The following KMT2C variants were observed in gnomAD, a reference collection of about 807,000 sequenced individuals.
The protein encoded by KMT2C is histone-lysine N-methyltransferase 2C.
In KMT2C, 88 loss-of-function variants were observed where a neutral mutation model predicts 507.9. The observed-to-expected ratio is 0.17, with a 90% CI of 0.15 to 0.21. KMT2C has a LOEUF of 0.21. Ranked by LOEUF, KMT2C falls within the 10% of genes least tolerant of loss-of-function variation. The pLI is 1.00. For synonymous variants in KMT2C, 2,049 were observed against 2,080.8 expected, an observed-to-expected ratio of 0.98 and a Z score of 0.42; for missense variants, 4,954 against 5,957.8, an observed-to-expected ratio of 0.83 and a Z score of 5.55.
intron 37 of KMT2C, among the ~76,000 whole-genome samples, chr7:152,179,146 C>G (rs1466464447): frequency 6.6e-6 from 1 of 152,192 alleles, no homozygotes; most frequent in East Asian, 1.9e-4. Flanking sequence ...GCAGTGCCTG[C>G]CGCCATAGCC....
intron 49 of KMT2C, among the ~76,000 whole-genome samples, 186 bp downstream of exon 49, chr7:152,152,519 G>C (rs942350626): frequency 3.3e-5 from 5 of 152,176 alleles, no homozygotes; most frequent in African/African-American, 1.2e-4. Flanking sequence ...AGAATACACA[G>C]GCCAAAGCAC....
chr7:152,187,463 C>T lies in KMT2C; in HGVS notation c.4807G>A (p.Ala1603Thr), dbSNP rs2129124792. The change falls in exon 33 of 59, where the codon GCC becomes ACC. Residue 1603 changes from alanine to threonine, a missense_variant. Around this residue, in one of 29 missense-constraint regions of KMT2C, gnomAD observed 195 missense variants for 183.7 expected, o/e 1.06. Coordinates refer to ENST00000262189, the MANE Select transcript of KMT2C (RefSeq NM_170606.3). ...GGATCACTTGCCATTGGATTAAAGG[C>T]TGAATTTTTATCCCTGGGAAAAAAT... ...SYPDARDKNSAFNPMASDPNN... is the reference protein window; with the variant it reads ...SYPDARDKNSTFNPMASDPNN... The T allele has an allele frequency of 6.2e-7, 1 of 1,612,984 alleles. No individual in the cohort carries two copies. The highest frequency in any genetic ancestry group is 1.7e-5 in the Admixed American group (1 of 59,986).
At chr7:152,163,899 T>C in intron 42 of KMT2C, 73 bp from the exon 43 acceptor site, 1 of 1,454,806 alleles carries the variant, frequency 6.9e-7, no homozygotes, top group Non-Finnish European at 9.6e-7. Context: ...GGCTGATGAC[T>C]GTGGTTGAGG....
chr7:152,152,859 C>G lies in KMT2C; in HGVS notation c.12372G>C (p.Met4124Ile), dbSNP rs1241408105. 1.1e-5 allele frequency: 18 copies of G among 1,614,146 alleles called. No individual in the cohort carries two copies. The highest frequency in any genetic ancestry group is 1.5e-5 in the Non-Finnish European group (18 of 1,180,024). The change falls in exon 49 of 59, where the codon ATG (methionine) becomes ATC (isoleucine). Residue 4124 changes from methionine to isoleucine, a missense_variant. Met to Ile is a conservative substitution (Grantham distance 10). This residue lies in a region of KMT2C where 417 missense variants were observed against 461.1 expected (regional missense o/e 0.90). Coordinates refer to ENST00000262189, the MANE Select transcript of KMT2C (RefSeq NM_170606.3). The part of the protein sequence containing the change: ...EVSSAPDVPS[M>I]GLVSSHRINP... ...TGATTCTGTGGCTACTGACCAAACC[C>G]ATGGATGGGACATCTGGAGCACTGC...
intron 1 of KMT2C, among the ~76,000 whole-genome samples, chr7:152,413,802 T>C (rs2097705419): frequency 1.3e-5 from 2 of 149,004 alleles, no homozygotes; most frequent in South Asian, 4.2e-4. Flanking sequence ...GGAAAATCGC[T>C]TGAACCCAGG....
chr7:152,322,589 T>C (rs1469701754), intron 3 of KMT2C, among the ~76,000 whole-genome samples: 3 of 152,020 alleles, frequency 2.0e-5, no homozygotes, highest in Non-Finnish European at 4.4e-5. Flanking sequence ...ATGTTTCGGA[T>C]GTCAAACTAT....
chr7:152,304,946 C>G (rs965736212), intron 6 of KMT2C, among the ~76,000 whole-genome samples: 11 of 152,118 alleles, frequency 7.2e-5, no homozygotes, highest in African/African-American at 2.7e-4. Flanking sequence ...TTCCTTGGCT[C>G]CTCCTTCCCA....
rs1587992226 is a variant in KMT2C at position 152,180,927 on chromosome 7, G to A, written c.6933C>T (p.Asp2311=). 2 of 1,614,192 alleles carry A rather than the reference G, an allele frequency of 1.2e-6. No individual in the cohort carries two copies. Among genetic ancestry groups the A allele is most frequent in the African/African-American group, 1.3e-5 (1 of 75,036 alleles). The change falls in exon 36 of 59, where the codon GAC becomes GAT. Residue 2311 remains aspartate, a synonymous_variant. Coordinates refer to ENST00000262189, the MANE Select transcript of KMT2C (RefSeq NM_170606.3). ...QSPMTPRSQS[D]SFGTSQTAHD... ...GGGCAGTTTGACTTGTTCCAAAAGA[G>A]TCAGACTGAGATCTTGGAGTCATTG... is the stretch of plus-strand genomic sequence containing the variant.
At chr7:152,362,733 G>A (rs937351441) in intron 1 of KMT2C, among the ~76,000 whole-genome samples, 3 of 151,990 alleles carry the variant, frequency 2.0e-5, no homozygotes, top group Admixed American at 6.6e-5. Context: ...GGCACAACTG[G>A]CTTTATTTCA....
At chr7:152,197,791 T>C (rs1166439320) in intron 27 of KMT2C, among the ~76,000 whole-genome samples, 1 of 152,142 alleles carries the variant, frequency 6.6e-6, no homozygotes, top group East Asian at 1.9e-4. Flanking sequence ...TAATTTTCCA[T>C]TATAAAGTGA....
In KMT2C at chr7:152,177,474, G is replaced by A. The variant is rs2129114874; in HGVS notation, c.7979C>T (p.Ala2660Val). 6.2e-7 allele frequency: 1 copy of A among 1,614,154 alleles called. No homozygotes were observed. Reference sequence around the variant, plus strand: ...AGACGGTACAGATGTTGACAAAGGAGCTTCTGAAAATTCACCACCTAGTGG... The same window carrying A: ...AGACGGTACAGATGTTGACAAAGGAACTTCTGAAAATTCACCACCTAGTGG... ...NHPLGGEFSE[A>V]PLSTSVPSET... Residue 2660 changes from alanine (A) to valine (V), a missense_variant, in exon 38 of 59, where the codon GCT becomes GTT. Ala to Val is a moderately conservative substitution (Grantham distance 64). Transcript: ENST00000262189.
intron 7 of KMT2C, among the ~76,000 whole-genome samples, chr7:152,269,611 A>G (rs2095921613): frequency 6.6e-6 from 1 of 152,248 alleles, no homozygotes; most frequent in African/African-American, 2.4e-5. Flanking sequence ...ATAATTTAAA[A>G]GGGCAGAGGA....
intron 6 of KMT2C, among the ~76,000 whole-genome samples, chr7:152,307,627 G>A (rs184705114): frequency 6.6e-6 from 1 of 152,268 alleles, no homozygotes; most frequent in African/African-American, 2.4e-5. Context: ...GGGATGCAAT[G>A]TCTCCTAAGG....
At chr7:152,244,370 A>G (rs988688011) in intron 14 of KMT2C, among the ~76,000 whole-genome samples, 10 of 152,090 alleles carry the variant, frequency 6.6e-5, no homozygotes, top group Non-Finnish European at 1.3e-4. Context: ...CGCAAAGTAC[A>G]TACACCTATA....
At chr7:152,325,791 A>G (rs2096822960) in intron 3 of KMT2C, among the ~76,000 whole-genome samples, 1 of 152,160 alleles carries the variant, frequency 6.6e-6, no homozygotes, top group South Asian at 2.1e-4. Flanking sequence ...GTTTTTTAAA[A>G]GTCTTTCCTT....
chr7:152,144,891 A>G lies in KMT2C; in HGVS notation c.14175-10T>C, dbSNP rs1587651073. On this transcript the variant is annotated splice_polypyrimidine_tract_variant and intron_variant, in intron 54 of 58. Coordinates refer to ENST00000262189, the MANE Select transcript of KMT2C (RefSeq NM_170606.3). This position sits in a 1 kb window ranked among gnomAD's most constrained non-coding sequence, Gnocchi z 4.4. ...GTTTAAGGTGTGAGGCCTGCAGACA[A>G]TGGCATATCAACAGGAAAAAAATAC... The G allele has an allele frequency of 3.1e-6, 5 of 1,601,092 alleles. No homozygotes were observed. The East Asian group carries it at 9.0e-5, about 29-fold the overall frequency.
intron 6 of KMT2C, among the ~76,000 whole-genome samples, chr7:152,280,909 G>A (rs937680991): frequency 6.6e-6 from 1 of 151,922 alleles, no homozygotes; most frequent in African/African-American, 2.4e-5. Context: ...AAGTAAAAAT[G>A]TAAATATTTT....
intron 1 of KMT2C, among the ~76,000 whole-genome samples, chr7:152,396,517 A>G (rs2116582123): frequency 6.6e-6 from 1 of 152,312 alleles, no homozygotes; most frequent in East Asian, 1.9e-4. Flanking sequence ...AAGGCTCCAT[A>G]AATACCACTA....
At position 152,182,514 on chromosome 7, in the gene KMT2C, C is replaced by T. The variant is rs1255434547; in HGVS notation, c.5346G>A (p.Gln1782=). 2 of 1,613,624 alleles carry T rather than the reference C, an allele frequency of 1.2e-6. No individual in the cohort carries two copies. The highest frequency in any genetic ancestry group is 1.7e-5 in the Admixed American group (1 of 59,944). Reference sequence around the variant, plus strand: ...GAGAACCAAATTGCTGTTGTTGCTGCTGCTGCTGCTCATTTTTCACCTGTT... The same window carrying T: ...GAGAACCAAATTGCTGTTGTTGCTGTTGCTGCTGCTCATTTTTCACCTGTT... ...KLEQVKNEQQ[Q]QQQQQFGSQH... The change falls in exon 36 of 59, where the codon CAG becomes CAA. Residue 1782 remains glutamine (Q), a synonymous_variant. Coordinates refer to ENST00000262189, the MANE Select transcript of KMT2C (RefSeq NM_170606.3).
Sources: gnomAD v4.1 joint callset for allele counts (sites outside exome capture counted in the v4.1 genomes callset) on GRCh38, gnomAD v4.1.1 for gene constraint, gnomAD v4.1.1 regional missense constraint, Gnocchi (gnomAD v3.1) non-coding constraint, MANE v1.5 for transcripts, NCBI Gene and HGNC (gene_info 2026-07-23, HGNC 2026-07-21) for gene names.